Variants in CRACD observed in about 807,000 individuals in gnomAD.
CRACD encodes capping protein-inhibiting regulator of actin dynamics.
In CRACD, 56 loss-of-function variants were observed where a neutral mutation model predicts 106.8. The observed-to-expected ratio is 0.52, with a 90% CI of 0.42 to 0.66. CRACD has a LOEUF of 0.66. Ranked by LOEUF, CRACD falls within the 30% of genes least tolerant of loss-of-function variation. The probability of loss-of-function intolerance (pLI) is 0.00; values close to 1 mark genes in which losing one functional copy is unlikely to be tolerated. For missense variants in CRACD, 1,730 were observed against 1,623.2 expected, an observed-to-expected ratio of 1.07 and a Z score of -1.13; for synonymous variants, 754 against 670.8, an observed-to-expected ratio of 1.12 and a Z score of -1.92.
chr4:56,054,749 CAT>C (rs1191022632), intron 1 of CRACD, among the ~76,000 whole-genome samples: 6 of 152,150 alleles, frequency 3.9e-5, no homozygotes, highest in Non-Finnish European at 5.9e-5. Flanking sequence ...CTTATAGTCA[CAT>C]GTTATCAGAC....
chr4:56,204,120 T>A (rs1369534431), intron 2 of CRACD, among the ~76,000 whole-genome samples: 1 of 152,252 alleles, frequency 6.6e-6, no homozygotes, highest in East Asian at 1.9e-4. Flanking sequence ...TCCAGCATTC[T>A]TGGCTAGGCA....
intron 2 of CRACD, among the ~76,000 whole-genome samples, chr4:56,186,789 C>T (rs921842636): frequency 1.3e-5 from 2 of 152,164 alleles, no homozygotes; most frequent in East Asian, 1.9e-4. Context: ...GGGCCAGGCA[C>T]GGTGGCCCAT....
chr4:56,211,426 G>C (rs890703691), intron 2 of CRACD, among the ~76,000 whole-genome samples: 2 of 152,250 alleles, frequency 1.3e-5, no homozygotes, highest in African/African-American at 2.4e-5. Context: ...CACCAGCTCA[G>C]CCCATGGCTG....
intron 2 of CRACD, among the ~76,000 whole-genome samples, chr4:56,260,882 TATCCATCCATCCATCCATCCATCC>T (rs11276099): frequency 1.3e-5 from 2 of 149,846 alleles, no homozygotes; most frequent in African/African-American, 2.5e-5. Flanking sequence ...TCTGTCTGTG[TATCCATCCATCCATCCATCCATCC>T]ATCCATCCAT....
intron 1 of CRACD, among the ~76,000 whole-genome samples, chr4:56,085,675 C>T (rs1461973084): frequency 6.6e-6 from 1 of 152,178 alleles, no homozygotes; most frequent in Non-Finnish European, 1.5e-5. Context: ...CCATTCTTAG[C>T]TCCTGGGCCA....
intron 6 of CRACD, chr4:56,310,979 G>T: frequency 2.0e-6 from 1 of 489,030 alleles, no homozygotes; most frequent in Non-Finnish European, 3.7e-6. Flanking sequence ...CCTGTGTTTG[G>T]GGTCCTAGAA....
chr4:56,219,873 T>C (rs1432268893), intron 2 of CRACD, among the ~76,000 whole-genome samples: 3 of 152,188 alleles, frequency 2.0e-5, no homozygotes, highest in African/African-American at 7.2e-5. Flanking sequence ...TAAGAAGTTG[T>C]AAAAGGTGTT....
At chr4:56,050,112 A>T (rs1310602958) in intron 1 of CRACD, 1 of 151,480 alleles carries the variant, frequency 6.6e-6, no homozygotes, top group African/African-American at 2.4e-5. Context: ...CATCGTAATC[A>T]TTTTCTGAAT....
chr4:56,230,488 T>A (rs180904223), intron 2 of CRACD, among the ~76,000 whole-genome samples: 1 of 152,298 alleles, frequency 6.6e-6, no homozygotes, highest in African/African-American at 2.4e-5. Context: ...AAAGTAGTGA[T>A]GTGTTAGAAA....
At chr4:56,222,087 C>T (rs752151112) in intron 2 of CRACD, among the ~76,000 whole-genome samples, 14 of 152,158 alleles carry the variant, frequency 9.2e-5, no homozygotes, top group East Asian at 7.7e-4. Flanking sequence ...GATGCCTGCA[C>T]GCATATGTTT....
At chr4:56,079,183 G>A (rs1340035023) in intron 1 of CRACD, among the ~76,000 whole-genome samples, 1 of 152,158 alleles carries the variant, frequency 6.6e-6, no homozygotes, top group African/African-American at 2.4e-5. Context: ...ACCAGGCTTG[G>A]ACGTTTTCCC....
chr4:56,291,957 A>G (rs1024214808), intron 3 of CRACD, among the ~76,000 whole-genome samples: 3 of 152,216 alleles, frequency 2.0e-5, no homozygotes, highest in Non-Finnish European at 2.9e-5. Context: ...AAAGGTTGGA[A>G]GAGTTTGGAG....
At chr4:56,295,208 A>G (rs1743939413) in intron 3 of CRACD, among the ~76,000 whole-genome samples, 1 of 152,088 alleles carries the variant, frequency 6.6e-6, no homozygotes, top group Admixed American at 6.6e-5. Flanking sequence ...TTCAAACCTT[A>G]GTTTCCTTGT....
intron 3 of CRACD, among the ~76,000 whole-genome samples, chr4:56,296,920 G>GTTTTTTTT (rs5858372): frequency 7.6e-6 from 1 of 131,598 alleles, no homozygotes; most frequent in African/African-American, 2.9e-5. Context: ...TTTTTTGTTT[G>GTTTTTTTT]TTTTTTTTTT....
At chr4:56,094,310 A>G (rs780898048) in intron 1 of CRACD, among the ~76,000 whole-genome samples, 1 of 152,020 alleles carries the variant, frequency 6.6e-6, no homozygotes, top group Non-Finnish European at 1.5e-5. Flanking sequence ...TGTCTGCTCC[A>G]TTGGCTACTG....
intron 2 of CRACD, among the ~76,000 whole-genome samples, chr4:56,188,707 C>G (rs868378915): frequency 2.7e-3 from 361 of 134,846 alleles, no homozygotes; most frequent in African/African-American, 0.01. Context: ...CACACACACA[C>G]ACACAGAGAG....
At chr4:56,162,225 C>T (rs1426040748) in intron 1 of CRACD, among the ~76,000 whole-genome samples, 4 of 151,620 alleles carry the variant, frequency 2.6e-5, no homozygotes, top group African/African-American at 9.7e-5. Context: ...AACAGGGTCT[C>T]ACTTTGTTGC....
chr4:56,177,042 C>A lies in CRACD; in HGVS notation c.-335-2242C>A, dbSNP rs1364183714. On this transcript the variant is annotated intron_variant, in intron 1 of 10. Transcript: ENST00000682029. ...GACTTCTTTCTTTGCAATTTGGACG[C>A]CCTTTATTTCCTTTTCTTGTCTAAT... 3.3e-5 allele frequency among the ~76,000 whole-genome samples: 5 copies of A among 152,196 alleles called. No individual in the cohort carries two copies. In the East Asian group the frequency reaches 9.7e-4, roughly 29 times the overall value.
chr4:56,189,081 G>A (rs921321115), intron 2 of CRACD, among the ~76,000 whole-genome samples: 1 of 152,208 alleles, frequency 6.6e-6, no homozygotes, highest in Admixed American at 6.5e-5. Flanking sequence ...TACTGAGGAG[G>A]ATGAGGCATG....
Sources: allele counts gnomAD v4.1 joint callset (sites outside exome capture counted in the v4.1 genomes callset), GRCh38; gene constraint gnomAD v4.1.1; transcripts MANE v1.5; gene names NCBI Gene and HGNC (gene_info 2026-07-23, HGNC 2026-07-21).